COBL: variants seen among roughly 807,000 people sequenced by gnomAD.
The protein encoded by COBL is protein cordon-bleu.
In COBL, 51 loss-of-function variants were observed where a neutral mutation model predicts 98.8. The ratio of observed to expected loss-of-function variants is 0.52; its 90% CI spans 0.41 to 0.65. The LOEUF is 0.65. Ranked by LOEUF, COBL falls within the 30% of genes least tolerant of loss-of-function variation. The pLI is 0.00. For missense variants in COBL, 1,617 were observed against 1,617.5 expected (o/e 1.00, Z 0.01); for synonymous variants, 634 against 651.7 (o/e 0.97, Z 0.41).
At chr7:51,213,423 C>T (rs1209841598) in intron 2 of COBL, among the ~76,000 whole-genome samples, 8 of 152,142 alleles carry the variant, frequency 5.3e-5, no homozygotes, top group African/African-American at 1.2e-4. Flanking sequence ...ACACATAATG[C>T]GCTTGAATCA....
chr7:51,210,145 GC>G (rs1283628274), intron 2 of COBL, among the ~76,000 whole-genome samples: 1 of 152,120 alleles, frequency 6.6e-6, no homozygotes, highest in Non-Finnish European at 1.5e-5. Context: ...CACAATGTGG[GC>G]CTTTACACCC....
chr7:51,140,811 C>T (rs973343427), intron 5 of COBL, among the ~76,000 whole-genome samples: 3 of 152,170 alleles, frequency 2.0e-5, no homozygotes, highest in Non-Finnish European at 4.4e-5. Context: ...GCAGAGAACA[C>T]GTTGTCTCCC....
At chr7:51,068,508 T>C (rs1554367947) in intron 7 of COBL, among the ~76,000 whole-genome samples, 1 of 152,232 alleles carries the variant, frequency 6.6e-6, no homozygotes, top group Non-Finnish European at 1.5e-5. Context: ...TGTACAGTAC[T>C]GTCATAAAGT....
chr7:51,078,750 G>T (rs1793330082), intron 7 of COBL, among the ~76,000 whole-genome samples: 2 of 152,264 alleles, frequency 1.3e-5, no homozygotes, highest in South Asian at 4.1e-4. Context: ...TCATCTGTAG[G>T]CTCTACTGGG....
rs1787850101 is a variant in COBL at position 51,028,685 on chromosome 7, T to A, written c.2411A>T (p.Glu804Val). 1 of 1,613,290 alleles carries A rather than the reference T, an allele frequency of 6.2e-7. No homozygotes were observed. The highest frequency in any genetic ancestry group is 1.3e-5 in the African/African-American group (1 of 74,882). Residue 804 changes from glutamate to valine, a missense_variant, in exon 10 of 13, where the codon GAG becomes GTG. Transcript: ENST00000265136. ...CTTGGGGTCTGCTTGGAGTCTGCTC[T>A]CTGGATTCTGCGTCTGCGTGGGCAC... ...TPVPTQTQNPESRLQADPKPI... is the reference protein window; with the variant it reads ...TPVPTQTQNPVSRLQADPKPI...
At chr7:51,290,598 G>A (rs1800807378) in intron 1 of COBL, among the ~76,000 whole-genome samples, 1 of 151,890 alleles carries the variant, frequency 6.6e-6, no homozygotes, top group Non-Finnish European at 1.5e-5. Flanking sequence ...ATTTAGGCTC[G>A]CCCCACCCTG....
At chr7:51,199,957 G>A (rs1366825105) in intron 2 of COBL, among the ~76,000 whole-genome samples, 2 of 152,082 alleles carry the variant, frequency 1.3e-5, no homozygotes, top group Non-Finnish European at 2.9e-5. Context: ...CTACTCTGAA[G>A]CACATTATAG....
chr7:51,039,156 C>A (rs1485895185), intron 8 of COBL, among the ~76,000 whole-genome samples: 1 of 152,202 alleles, frequency 6.6e-6, no homozygotes, highest in Non-Finnish European at 1.5e-5. Flanking sequence ...GAGGTGCCAA[C>A]TAGGGACGCT....
At chr7:51,220,092 T>A (rs1007722440) in intron 1 of COBL, 148 bp from the exon 2 acceptor site, 4 of 657,486 alleles carry the variant, frequency 6.1e-6, no homozygotes, top group Non-Finnish European at 1.0e-5. Flanking sequence ...CCCAAACAAG[T>A]AAAAACTAAT....
chr7:51,028,764 T>C lies in COBL; in HGVS notation c.2332A>G (p.Lys778Glu). The change falls in exon 10 of 13, where the codon AAA becomes GAA. Residue 778 changes from lysine (K) to glutamate (E), a missense_variant. Physicochemically the swap from Lys to Glu is moderately conservative, Grantham distance 56. Coordinates refer to ENST00000265136, the MANE Select transcript of COBL (RefSeq NM_015198.5). Reference sequence around the variant, plus strand: ...CTCTCTGAGGGTCGGCCCAGGTGTTTTTCCACAGAGTTGCACCTCCAGAAC... The same window carrying C: ...CTCTCTGAGGGTCGGCCCAGGTGTTCTTCCACAGAGTTGCACCTCCAGAAC... ...REFWRCNSVE[K>E]HLGRPSESSA... The C allele has an allele frequency of 6.2e-7, 1 of 1,614,186 alleles. No individual in the cohort carries two copies. The highest frequency in any genetic ancestry group is 8.5e-7 in the Non-Finnish European group (1 of 1,180,034).
intron 2 of COBL, among the ~76,000 whole-genome samples, chr7:51,204,249 A>G (rs1322038016): frequency 1.3e-5 from 2 of 152,222 alleles, no homozygotes; most frequent in African/African-American, 2.4e-5. Context: ...CATATACAAA[A>G]AGCTCACAGC....
intron 10 of COBL, among the ~76,000 whole-genome samples, 178 bp downstream of exon 10, chr7:51,027,534 G>A (rs1787692395): frequency 6.6e-6 from 1 of 152,214 alleles, no homozygotes; most frequent in African/African-American, 2.4e-5. Context: ...TAATAGTTCA[G>A]TACAAATATC....
At chr7:51,253,047 A>C (rs998392041) in intron 1 of COBL, among the ~76,000 whole-genome samples, 2 of 151,800 alleles carry the variant, frequency 1.3e-5, no homozygotes, top group Non-Finnish European at 2.9e-5. Context: ...ACATGACAAA[A>C]CCCCGTCTCT....
intron 2 of COBL, among the ~76,000 whole-genome samples, chr7:51,214,533 C>T (rs1238304938): frequency 6.6e-6 from 1 of 152,072 alleles, no homozygotes; most frequent in Admixed American, 6.5e-5. Context: ...ATTCTGATCT[C>T]CTCATTTTTT....
Position 51,219,955 on chromosome 7 carries a change from A to G in COBL, c.42-11T>C. The G allele has an allele frequency of 6.2e-7, 1 of 1,608,022 alleles. No individual in the cohort carries two copies. The highest frequency in any genetic ancestry group is 8.5e-7 in the Non-Finnish European group (1 of 1,178,086). ...GCCTTCATCTTCCTCCTTAAAAACA[A>G]CAACACAAAGGCACAGAGTCAGTGG... On this transcript the variant is annotated splice_polypyrimidine_tract_variant and intron_variant, in intron 1 of 12. Transcript: ENST00000265136.
chr7:51,180,633 G>A (rs757242065), intron 5 of COBL, among the ~76,000 whole-genome samples: 6 of 152,058 alleles, frequency 3.9e-5, no homozygotes, highest in Non-Finnish European at 8.8e-5. Context: ...ATTTATCTTT[G>A]GTAAAACTGG....
intron 1 of COBL, among the ~76,000 whole-genome samples, chr7:51,282,301 T>C (rs375470202): frequency 1.8e-4 from 27 of 152,106 alleles, no homozygotes; most frequent in East Asian, 7.7e-4. Context: ...AAAAGACAGA[T>C]ATTATTTAAC....
chr7:51,222,889 C>G (rs1411592519), intron 1 of COBL, among the ~76,000 whole-genome samples: 1 of 152,080 alleles, frequency 6.6e-6, no homozygotes, highest in African/African-American at 2.4e-5. Context: ...TTTGACTGCC[C>G]CACACTTATC....
intron 1 of COBL, among the ~76,000 whole-genome samples, chr7:51,283,968 C>CA (rs1800043792): frequency 6.6e-6 from 1 of 151,476 alleles, no homozygotes; most frequent in Admixed American, 6.6e-5. Flanking sequence ...CAAAATTCCT[C>CA]AAAAAAATAG....
Sources: gnomAD v4.1 joint callset for allele counts (sites outside exome capture counted in the v4.1 genomes callset) on GRCh38, gnomAD v4.1.1 for gene constraint, MANE v1.5 for transcripts, NCBI Gene and HGNC (gene_info 2026-07-23, HGNC 2026-07-21) for gene names.